Variants in MPP7 observed in about 807,000 individuals in gnomAD.
MPP7 encodes the protein MAGUK p55 scaffold protein 7.
A neutral mutation model predicts 76.5 loss-of-function variants in MPP7; 60 were observed. The observed-to-expected ratio is 0.78, with a 90% CI of 0.64 to 0.97. The LOEUF (loss-of-function observed/expected upper bound fraction) is 0.97. MPP7 is among the 50% of genes least tolerant of loss of function. The pLI is 0.00. For missense variants in MPP7, 641 were observed against 694.0 expected (o/e 0.92, Z 0.86); for synonymous variants, 237 against 244.5 (o/e 0.97, Z 0.29).
intron 2 of MPP7, among the ~76,000 whole-genome samples, chr10:28,219,659 G>A (rs959353452): frequency 1.4e-4 from 22 of 152,090 alleles, no homozygotes; most frequent in African/African-American, 5.1e-4. Context: ...ATGTATTTAC[G>A]TGTTTTTTGT....
At chr10:28,299,728 T>C (rs1394502589) in intron 1 of MPP7, among the ~76,000 whole-genome samples, 1 of 151,910 alleles carries the variant, frequency 6.6e-6, no homozygotes, top group African/African-American at 2.4e-5. Flanking sequence ...AGGAATACCC[T>C]TTCCTTCCGA....
At chr10:28,102,435 T>G (rs1466499035) in intron 11 of MPP7, among the ~76,000 whole-genome samples, 6 of 152,212 alleles carry the variant, frequency 3.9e-5, no homozygotes, top group African/African-American at 1.4e-4. Context: ...TGAGGTATGT[T>G]ACAGGTCAGT....
intron 3 of MPP7, among the ~76,000 whole-genome samples, chr10:28,187,567 C>G (rs954321112): frequency 9.9e-5 from 15 of 152,146 alleles, no homozygotes; most frequent in Admixed American, 2.6e-4. Flanking sequence ...ATGTCAGAGG[C>G]AAGTAACGTA....
chr10:28,094,475 A>G (rs1853469619), intron 11 of MPP7, among the ~76,000 whole-genome samples: 1 of 152,226 alleles, frequency 6.6e-6, no homozygotes, highest in South Asian at 2.1e-4. Flanking sequence ...TAAGGATTAA[A>G]TAATTCATGT....
At chr10:28,242,386 AG>A (rs1259116319) in intron 1 of MPP7, among the ~76,000 whole-genome samples, 3 of 152,330 alleles carry the variant, frequency 2.0e-5, no homozygotes, top group African/African-American at 7.2e-5. Context: ...TTTTTGTAAA[AG>A]CTCAATCTGA....
intron 3 of MPP7, among the ~76,000 whole-genome samples, chr10:28,193,188 TG>T (rs1338684479): frequency 6.6e-6 from 1 of 151,206 alleles, no homozygotes; most frequent in Non-Finnish European, 1.5e-5. Context: ...TGAGTTTTTT[TG>T]GGTTTTTTTG....
intron 2 of MPP7, among the ~76,000 whole-genome samples, chr10:28,322,350 T>A (rs895091160): frequency 6.6e-6 from 1 of 152,138 alleles, no homozygotes; most frequent in Non-Finnish European, 1.5e-5. Context: ...AAGTTCAAGT[T>A]ATTAACATTT....
chr10:28,195,860 T>A (rs1396589826), intron 3 of MPP7, among the ~76,000 whole-genome samples: 1 of 152,194 alleles, frequency 6.6e-6, no homozygotes, highest in Non-Finnish European at 1.5e-5. Context: ...TAAAATTGAT[T>A]TTGGCAATGG....
intron 1 of MPP7, among the ~76,000 whole-genome samples, chr10:28,264,092 T>C (rs889764159): frequency 1.3e-5 from 2 of 151,640 alleles, no homozygotes; most frequent in Non-Finnish European, 2.9e-5. Context: ...AGGCCAAGAG[T>C]TGGAGACCAG....
At chr10:28,326,245 C>T (rs550082567) in intron 2 of MPP7, among the ~76,000 whole-genome samples, 69 of 152,110 alleles carry the variant, frequency 4.5e-4, no homozygotes, top group African/African-American at 1.7e-3. Context: ...TCTGTACTTC[C>T]GGGAGACACT....
Position 28,120,670 on chromosome 10 carries a change from T to C in MPP7, c.616-2A>G. The C allele has an allele frequency of 6.2e-7, 1 of 1,612,204 alleles. No individual in the cohort carries two copies. The highest frequency in any genetic ancestry group is 8.5e-7 in the Non-Finnish European group (1 of 1,178,616). On this transcript the variant is annotated splice_acceptor_variant, in intron 8 of 16. Coordinates refer to ENST00000683449, the MANE Select transcript of MPP7 (RefSeq NM_001318170.2). LOFTEE classifies it high-confidence loss of function. ...TGTAATTGCTCCCTGAGACTGAGCC[T>C]GGTAACAGATAAAACAAGGAGTTAT...
intron 2 of MPP7, among the ~76,000 whole-genome samples, chr10:28,319,918 GT>G (rs1424624440): frequency 6.6e-6 from 1 of 152,064 alleles, no homozygotes; most frequent in African/African-American, 2.4e-5. Flanking sequence ...AGAAGTTGCA[GT>G]GGGCTGAGAT....
chr10:28,080,821 T>C (rs1391243448), intron 12 of MPP7, among the ~76,000 whole-genome samples: 2 of 152,256 alleles, frequency 1.3e-5, no homozygotes, highest in Non-Finnish European at 2.9e-5. Context: ...TCATTATGAC[T>C]TTCAGTTTTA....
intron 13 of MPP7, among the ~76,000 whole-genome samples, chr10:28,064,149 A>G (rs981030577): frequency 3.3e-5 from 5 of 152,206 alleles, no homozygotes; most frequent in African/African-American, 1.2e-4. Flanking sequence ...AACTTTATTT[A>G]TAATAGCCAA....
At chr10:28,234,357 A>G (rs1838996693) in intron 2 of MPP7, among the ~76,000 whole-genome samples, 1 of 152,216 alleles carries the variant, frequency 6.6e-6, no homozygotes, top group Non-Finnish European at 1.5e-5. Flanking sequence ...ATGACTGAAT[A>G]AATTAATAAA....
intron 3 of MPP7, among the ~76,000 whole-genome samples, chr10:28,168,747 T>C (rs1290502294): frequency 1.3e-5 from 2 of 152,288 alleles, no homozygotes; most frequent in African/African-American, 2.4e-5. Context: ...CTCGATCTCC[T>C]GACTTTGTGA....
intron 2 of MPP7, among the ~76,000 whole-genome samples, chr10:28,220,489 T>C (rs1434556293): frequency 6.6e-6 from 1 of 152,166 alleles, no homozygotes; most frequent in Non-Finnish European, 1.5e-5. Context: ...CATAGTAAGA[T>C]AGGACTTATC....
chr10:28,140,979 C>A (rs955062968), intron 5 of MPP7, among the ~76,000 whole-genome samples: 2 of 151,958 alleles, frequency 1.3e-5, no homozygotes, highest in Admixed American at 6.6e-5. Flanking sequence ...GATGACAGCA[C>A]AACTTTGGTC....
chr10:28,264,907 C>T (rs927446535), intron 1 of MPP7, among the ~76,000 whole-genome samples: 1 of 152,100 alleles, frequency 6.6e-6, no homozygotes, highest in Non-Finnish European at 1.5e-5. Flanking sequence ...AGGAAGAAGG[C>T]ACAGTCCTCA....
Sources: allele counts gnomAD v4.1 joint callset (sites outside exome capture counted in the v4.1 genomes callset), GRCh38; gene constraint gnomAD v4.1.1; transcripts MANE v1.5; gene names NCBI Gene and HGNC (gene_info 2026-07-23, HGNC 2026-07-21).